Variants in N4BP2 observed in about 807,000 individuals in gnomAD.
N4BP2 encodes the protein NEDD4-binding protein 2.
In N4BP2, 91 loss-of-function variants were observed where a neutral mutation model predicts 152.8. The observed-to-expected ratio is 0.60, with a 90% CI of 0.50 to 0.71. The LOEUF is 0.71. Among genes scored for constraint, N4BP2 ranks in the 30% least tolerant of loss-of-function variants. The pLI is 0.00. For missense variants in N4BP2, 1,923 were observed against 2,059.1 expected, an observed-to-expected ratio of 0.93 and a Z score of 1.28; for synonymous variants, 646 against 705.3, an observed-to-expected ratio of 0.92 and a Z score of 1.33.
intron 5 of N4BP2, among the ~76,000 whole-genome samples, chr4:40,108,630 TG>T (rs201247824): frequency 0.025 from 3,769 of 151,028 alleles, 57 homozygotes; most frequent in Middle Eastern, 0.072. Flanking sequence ...TTACTTTTTA[TG>T]GAAGATAGTG....
At chr4:40,185,631 A>G in the N4BP2 span, among the ~76,000 whole-genome samples, 19 of 152,244 alleles carry the variant, frequency 1.2e-4, no homozygotes, top group South Asian at 2.7e-3. Context: ...TTTTAATAGA[A>G]ATTTTACTTT....
chr4:40,131,798 T>C lies in N4BP2; in HGVS notation c.4528-3T>C, dbSNP rs1407298335. The stretch of plus-strand genomic sequence containing the variant: ...GAACATGATTTTTATGTTTTTGTTT[T>C]AGAAAAGGGAGACCCTTATGTTTGA... On this transcript the variant is annotated splice_polypyrimidine_tract_variant and splice_region_variant and intron_variant, in intron 12 of 17. Coordinates refer to ENST00000261435, the MANE Select transcript of N4BP2 (RefSeq NM_018177.6). 1 of 1,600,706 alleles carries C rather than the reference T, an allele frequency of 6.2e-7. No individual in the cohort carries two copies. The highest frequency in any genetic ancestry group is 8.6e-7 in the Non-Finnish European group (1 of 1,169,390).
At chr4:40,114,435 G>A (rs1717174776) in intron 7 of N4BP2, among the ~76,000 whole-genome samples, 1 of 152,102 alleles carries the variant, frequency 6.6e-6, no homozygotes, top group African/African-American at 2.4e-5. Context: ...TGTATTTATG[G>A]GTTTTCCTGT....
intron 2 of N4BP2, among the ~76,000 whole-genome samples, chr4:40,093,868 G>A (rs1579006903): frequency 6.6e-6 from 1 of 152,102 alleles, no homozygotes; most frequent in African/African-American, 2.4e-5. Flanking sequence ...CCAAAGTGCT[G>A]CAATTACAGG....
intron 13 of N4BP2, among the ~76,000 whole-genome samples, chr4:40,136,595 C>A (rs938983096): frequency 3.9e-5 from 6 of 152,110 alleles, no homozygotes; most frequent in Non-Finnish European, 8.8e-5. Context: ...CCATGTTGGC[C>A]AGGCTAGTCT....
At chr4:40,127,887 T>A (rs1718569265) in intron 12 of N4BP2, among the ~76,000 whole-genome samples, 1 of 152,140 alleles carries the variant, frequency 6.6e-6, no homozygotes, top group Non-Finnish European at 1.5e-5. Context: ...GGTCTTGATC[T>A]CCTGACCTTG....
At chr4:40,105,325 A>ATTT (rs34758221) in intron 4 of N4BP2, among the ~76,000 whole-genome samples, 3 of 136,902 alleles carry the variant, frequency 2.2e-5, no homozygotes, top group Non-Finnish European at 4.8e-5. Flanking sequence ...TGTAGTTACA[A>ATTT]TTTTTTTTTT....
chr4:40,075,551 C>T (rs1184111138), intron 2 of N4BP2, among the ~76,000 whole-genome samples: 1 of 152,086 alleles, frequency 6.6e-6, no homozygotes, highest in African/African-American at 2.4e-5. Flanking sequence ...GTGCATGCCA[C>T]CATGCCTGGC....
At chr4:40,116,762 CT>C (rs1168979323) in intron 7 of N4BP2, among the ~76,000 whole-genome samples, 1 of 152,036 alleles carries the variant, frequency 6.6e-6, no homozygotes, top group Admixed American at 6.6e-5. Flanking sequence ...TAGTAAGGGT[CT>C]GCTTGGTGTC....
intron 1 of N4BP2, among the ~76,000 whole-genome samples, chr4:40,062,040 T>C (rs1285384733): frequency 6.6e-6 from 1 of 151,498 alleles, no homozygotes; most frequent in African/African-American, 2.4e-5. Context: ...TTTATTTATT[T>C]ATTTTTGTTT....
At chr4:40,189,186 A>G in the N4BP2 span, among the ~76,000 whole-genome samples, 1 of 151,800 alleles carries the variant, frequency 6.6e-6, no homozygotes, top group African/African-American at 2.4e-5. The surrounding 1 kb of genome is among the most constrained non-coding windows in gnomAD (Gnocchi z 4.3). Flanking sequence ...AAAACAAAAC[A>G]AAACACCATC....
At chr4:40,093,207 G>T (rs540152994) in intron 2 of N4BP2, among the ~76,000 whole-genome samples, 3 of 152,058 alleles carry the variant, frequency 2.0e-5, no homozygotes, top group African/African-American at 7.2e-5. Flanking sequence ...GCCTCCCAAA[G>T]TGCTGGGATT....
At position 40,098,286 on chromosome 4, in the gene N4BP2, C is replaced by G. The variant is rs1715283540; in HGVS notation, c.229+717C>G. 2.0e-5 allele frequency among the ~76,000 whole-genome samples: 3 copies of G among 152,322 alleles called. No individual in the cohort carries two copies. The South Asian group carries it at 6.2e-4, about 32-fold the overall frequency. On this transcript the variant is annotated intron_variant, in intron 3 of 17. Coordinates refer to ENST00000261435, the MANE Select transcript of N4BP2 (RefSeq NM_018177.6). The stretch of plus-strand genomic sequence containing the variant: ...GTGGGTTGGATTTCCAGCTCTGCCA[C>G]TTAATCTCCCTGAGTCTCAGTTTTC...
chr4:40,146,254 T>A (rs1236242620), intron 16 of N4BP2, among the ~76,000 whole-genome samples: 1 of 152,108 alleles, frequency 6.6e-6, no homozygotes, highest in Non-Finnish European at 1.5e-5. Flanking sequence ...CTACATAATA[T>A]CTCTTGCTTA....
At chr4:40,183,576 T>C in the N4BP2 span, among the ~76,000 whole-genome samples, 1 of 152,138 alleles carries the variant, frequency 6.6e-6, no homozygotes, top group Non-Finnish European at 1.5e-5. Context: ...GACCTCGTGA[T>C]CCGCCCGCCT....
chr4:40,113,527 C>G lies in N4BP2; in HGVS notation c.1664+19C>G, dbSNP rs768806070. On this transcript the variant is annotated intron_variant, in intron 7 of 17. Coordinates refer to ENST00000261435, the MANE Select transcript of N4BP2 (RefSeq NM_018177.6). Reference sequence around the variant, plus strand: ...TTGCAAGGTAAAACTTGGAGGCTACCTAACATGCTTTTTATGTAACGACAG... The same window carrying G: ...TTGCAAGGTAAAACTTGGAGGCTACGTAACATGCTTTTTATGTAACGACAG... 6.4e-7 allele frequency: 1 copy of G among 1,570,184 alleles called. No homozygotes were observed. Among genetic ancestry groups the G allele is most frequent in the African/African-American group, 1.4e-5 (1 of 73,918 alleles).
At chr4:40,080,169 A>G (rs1467078672) in intron 2 of N4BP2, among the ~76,000 whole-genome samples, 1 of 152,090 alleles carries the variant, frequency 6.6e-6, no homozygotes, top group African/African-American at 2.4e-5. Flanking sequence ...TGTATTAATA[A>G]GGAGGCTCTC....
At chr4:40,129,421 T>G (rs769316064) in intron 12 of N4BP2, among the ~76,000 whole-genome samples, 20 of 152,100 alleles carry the variant, frequency 1.3e-4, no homozygotes, top group Non-Finnish European at 2.8e-4. Context: ...GAGATGGGGT[T>G]TCACCATGTT....
At chr4:40,181,136 C>T in the N4BP2 span, among the ~76,000 whole-genome samples, 3 of 152,048 alleles carry the variant, frequency 2.0e-5, no homozygotes, top group East Asian at 1.9e-4. Flanking sequence ...GGTGACAGAG[C>T]GAGAGTCTGT....
Sources: allele counts gnomAD v4.1 joint callset (sites outside exome capture counted in the v4.1 genomes callset), GRCh38; gene constraint gnomAD v4.1.1; non-coding constraint Gnocchi (gnomAD v3.1); transcripts MANE v1.5; gene names NCBI Gene and HGNC (gene_info 2026-07-23, HGNC 2026-07-21).